Variants in SLC25A36 observed in about 807,000 individuals in gnomAD.
The protein encoded by SLC25A36 is epididymis secretory sperm binding protein.
A neutral mutation model predicts 35.3 loss-of-function variants in SLC25A36; 24 were observed. The ratio of observed to expected loss-of-function variants is 0.68; its 90% confidence interval spans 0.49 to 0.96. The LOEUF is 0.96. Ranked by LOEUF, SLC25A36 falls within the 40% of genes least tolerant of loss-of-function variation. SLC25A36 has a pLI of 0.00. For missense variants in SLC25A36, 294 were observed against 381.1 expected (o/e 0.77, Z 1.90); for synonymous variants, 141 against 132.2 (o/e 1.07, Z -0.46).
intron 3 of SLC25A36, 126 bp downstream of exon 3, chr3:140,959,666 T>A (rs2107797776): frequency 2.3e-6 from 1 of 441,586 alleles, no homozygotes; most frequent in Non-Finnish European, 4.0e-6. Context: ...TATGGGAAGT[T>A]AAAATACTTA....
intron 2 of SLC25A36, among the ~76,000 whole-genome samples, chr3:140,957,704 G>A (rs1258395058): frequency 1.3e-5 from 2 of 152,130 alleles, no homozygotes; most frequent in Non-Finnish European, 1.5e-5. Context: ...TTGCGCCACT[G>A]TATTCCAGTC....
At chr3:140,963,687 G>A (rs1934689266) in intron 4 of SLC25A36, 1 of 154,566 alleles carries the variant, frequency 6.5e-6, no homozygotes, top group Non-Finnish European at 1.4e-5. Context: ...TTTTGTGAGT[G>A]ATGTATTATT....
intron 1 of SLC25A36, among the ~76,000 whole-genome samples, chr3:140,956,057 T>C (rs1271737717): frequency 6.6e-6 from 1 of 152,168 alleles, no homozygotes; most frequent in Non-Finnish European, 1.5e-5. Flanking sequence ...AAGAGAACTA[T>C]GTATGGTTAA....
chr3:140,976,829 A>C lies in SLC25A36; in HGVS notation c.*376A>C, dbSNP rs1240402084. 6.4e-6 allele frequency: 1 copy of C among 156,634 alleles called. No individual in the cohort carries two copies. The highest frequency in any genetic ancestry group is 1.4e-5 in the Non-Finnish European group (1 of 71,064). 9.7% of individuals were successfully genotyped at this position (156,634 alleles called of 1,614,324 possible). Reference sequence around the variant, plus strand: ...TCCAAAGATAGTATTGGCAGTCATAAATTTATAACTTCTGGCCTTTGTTTA... The same window carrying C: ...TCCAAAGATAGTATTGGCAGTCATACATTTATAACTTCTGGCCTTTGTTTA... On this transcript the variant is annotated 3_prime_UTR_variant, in exon 7 of 7. Coordinates refer to ENST00000324194, the MANE Select transcript of SLC25A36 (RefSeq NM_001104647.3).
intron 1 of SLC25A36, among the ~76,000 whole-genome samples, chr3:140,949,025 C>T (rs1934243225): frequency 1.3e-5 from 2 of 152,206 alleles, no homozygotes; most frequent in Non-Finnish European, 2.9e-5. Flanking sequence ...CTTTGAGGCT[C>T]CCAACAGAGG....
chr3:140,956,831 A>C (rs1327135734), intron 2 of SLC25A36, 140 bp downstream of exon 2: 1 of 1,309,020 alleles, frequency 7.6e-7, no homozygotes, highest in East Asian at 2.7e-5. Context: ...TGTACTCATA[A>C]GGAATGATAA....
chr3:140,964,404 T>C (rs1934709070), intron 4 of SLC25A36: 1 of 151,958 alleles, frequency 6.6e-6, no homozygotes, highest in Admixed American at 6.6e-5. Context: ...ATGTAATTTA[T>C]GTGAACCTCT....
intron 4 of SLC25A36, chr3:140,965,456 A>AT (rs1219198877): frequency 6.6e-6 from 1 of 151,840 alleles, no homozygotes; most frequent in Admixed American, 6.6e-5. Context: ...TGCCTGCAAG[A>AT]TTTTAACACA....
Position 140,976,348 on chromosome 3 carries a change from T to C in SLC25A36, c.831T>C (p.Tyr277=). 6.2e-7 allele frequency: 1 copy of C among 1,613,962 alleles called. No individual in the cohort carries two copies. The highest frequency in any genetic ancestry group is 1.1e-5 in the South Asian group (1 of 91,078). The change falls in exon 7 of 7, where the codon TAT becomes TAC. Residue 277 remains tyrosine, a synonymous_variant. Coordinates refer to ENST00000324194, the MANE Select transcript of SLC25A36 (RefSeq NM_001104647.3). ...TLSLLVQEEG[Y]GSLYRGLTTH... The stretch of plus-strand genomic sequence containing the variant: ...CTTTGCTTGTTCAAGAAGAAGGTTA[T>C]GGGTCTCTTTATCGTGGTCTGACAA...
At chr3:140,953,446 A>AT (rs34764234) in intron 1 of SLC25A36, among the ~76,000 whole-genome samples, 1 of 151,276 alleles carries the variant, frequency 6.6e-6, no homozygotes, top group African/African-American at 2.4e-5. Flanking sequence ...TATGAGTGGA[A>AT]TTTTTTTGAA....
rs765456505 is a variant in SLC25A36 at position 140,978,571 on chromosome 3, A to T, written c.*2118A>T. The T allele has an allele frequency of 2.6e-5, 4 of 152,222 alleles. No individual in the cohort carries two copies. The highest frequency in any genetic ancestry group is 5.9e-5 in the Non-Finnish European group (4 of 68,042). The allele number at this position is 152,222 out of a possible 1,614,324, so 9.4% of individuals were successfully genotyped here. On this transcript the variant is annotated 3_prime_UTR_variant, in exon 7 of 7. Transcript: ENST00000324194. ...ATTTAGTTGTAGCATATTCATAACA[A>T]GTGTCCTTCAAGGATAAACATATAT...
rs2107824396 is a variant in SLC25A36, at chr3:140,978,660, A to C, written c.*2207A>C. ...TTTAGTGCATTATATTCAGCTTTTA[A>C]CAGTATTATGTATGTACTGGAAAGC... On this transcript the variant is annotated 3_prime_UTR_variant, in exon 7 of 7. Transcript: ENST00000324194. 2 of 152,292 alleles carry C rather than the reference A, an allele frequency of 1.3e-5. 1 individual carries two copies. Among genetic ancestry groups the C allele is most frequent in the South Asian group, 4.1e-4 (2 of 4,828 alleles). The allele number at this position is 152,292 out of a possible 1,614,324, so 9.4% of individuals were successfully genotyped here.
chr3:140,947,329 A>G (rs913113452), intron 1 of SLC25A36, among the ~76,000 whole-genome samples: 56 of 152,260 alleles, frequency 3.7e-4, no homozygotes, highest in African/African-American at 1.3e-3. Context: ...ATTTACTTTT[A>G]CTAAACCTGC....
intron 1 of SLC25A36, among the ~76,000 whole-genome samples, chr3:140,947,840 C>T (rs983336033): frequency 2.0e-5 from 3 of 152,218 alleles, no homozygotes; most frequent in Admixed American, 1.3e-4. Context: ...CTTGTCTAAA[C>T]ACTAAAGCTT....
rs1935164805 is a variant in SLC25A36 at position 140,980,827 on chromosome 3, C to T, written c.*4374C>T. Among the ~76,000 whole-genome samples the T allele has an allele frequency of 6.6e-6, 1 of 151,828 alleles. No homozygotes were observed. Among genetic ancestry groups the T allele is most frequent in the Non-Finnish European group, 1.5e-5 (1 of 67,988 alleles). ...GCGATTCTGCCTCAGCCTGACTTCC[C>T]TTCTGTTTCTTTATTTTCGCACTGT... On this transcript the variant is annotated 3_prime_UTR_variant, in exon 7 of 7. Coordinates refer to ENST00000324194, the MANE Select transcript of SLC25A36 (RefSeq NM_001104647.3).
chr3:140,970,939 T>C lies in SLC25A36; in HGVS notation c.398T>C (p.Ile133Thr), dbSNP rs1459397684. Residue 133 changes from isoleucine to threonine, a missense_variant, in exon 5 of 7, where the codon ATC becomes ACC. Physicochemically the swap from Ile to Thr is moderately conservative, Grantham distance 89. Transcript: ENST00000324194. Reference sequence around the variant, plus strand: ...CATGTTTGTTTAGGTTTTACTGCAATCACAGCAACCAACCCCATTTGGCTT... The same window carrying C: ...CATGTTTGTTTAGGTTTTACTGCAACCACAGCAACCAACCCCATTTGGCTT... ...ISAAMAGFTA[I>T]TATNPIWLIK... The C allele has an allele frequency of 2.0e-6, 3 of 1,501,804 alleles. No homozygotes were observed. In the Admixed American group the frequency reaches 5.0e-5, roughly 25 times the overall value. The allele number at this position is 1,501,804 out of a possible 1,614,324, so 93.0% of individuals were successfully genotyped here.
intron 4 of SLC25A36, chr3:140,970,291 T>G (rs1328601457): frequency 2.6e-5 from 4 of 152,158 alleles, no homozygotes; most frequent in East Asian, 1.9e-4. Flanking sequence ...TTTGAACTTT[T>G]GAGTTTTTGT....
At position 140,956,702 on chromosome 3, in the gene SLC25A36, A is replaced by G. The variant is rs1934489469; in HGVS notation, c.206+11A>G. 5 of 1,569,448 alleles carry G rather than the reference A, an allele frequency of 3.2e-6. No individual in the cohort carries two copies. The highest frequency in any genetic ancestry group is 4.3e-6 in the Non-Finnish European group (5 of 1,156,488). On this transcript the variant is annotated intron_variant, in intron 2 of 6. Transcript: ENST00000324194. ...TCTTCATTGCCTAAAGTGAGAGCAT[A>G]GTATTCAGGAGTGTTTTTTAGTTTG...
intron 4 of SLC25A36, chr3:140,966,137 C>G (rs1934752449): frequency 6.5e-6 from 1 of 152,998 alleles, no homozygotes; most frequent in Non-Finnish European, 1.5e-5. Context: ...TCACAGCATA[C>G]AGTTATTTTT....
Sources: gnomAD v4.1 joint callset for allele counts (sites outside exome capture counted in the v4.1 genomes callset) on GRCh38, gnomAD v4.1.1 for gene constraint, MANE v1.5 for transcripts, NCBI Gene and HGNC (gene_info 2026-07-23, HGNC 2026-07-21) for gene names.